Variants in CTNNA1 observed in about 807,000 individuals in gnomAD.
CTNNA1 encodes the protein catenin alpha-1.
A neutral mutation model predicts 98.4 loss-of-function variants in CTNNA1; 37 were observed. That is an observed-to-expected ratio of 0.38 (90% CI 0.29 to 0.49). CTNNA1 has a LOEUF of 0.49. CTNNA1 is among the 20% of genes least tolerant of loss of function. The pLI is 0.95. For synonymous variants in CTNNA1, 404 were observed against 413.2 expected (o/e 0.98, Z 0.27); for missense variants, 761 against 1,147.2 (o/e 0.66, Z 4.86).
At chr5:138,857,113 T>G (rs1763796361) in intron 7 of CTNNA1, among the ~76,000 whole-genome samples, 1 of 152,212 alleles carries the variant, frequency 6.6e-6, no homozygotes, top group South Asian at 2.1e-4. Flanking sequence ...TAAATTTCTT[T>G]CCTTTTTTCT....
chr5:138,917,433 G>T (rs994947936), intron 10 of CTNNA1, among the ~76,000 whole-genome samples: 2 of 152,106 alleles, frequency 1.3e-5, no homozygotes, highest in African/African-American at 4.8e-5. Context: ...TGTATTTTTT[G>T]ATGTGGCTAT....
At chr5:138,884,137 G>A (rs374974612) in intron 7 of CTNNA1, among the ~76,000 whole-genome samples, 1 of 152,190 alleles carries the variant, frequency 6.6e-6, no homozygotes, top group Non-Finnish European at 1.5e-5. Flanking sequence ...CACATGTAAG[G>A]TGTACATTGG....
intron 1 of CTNNA1, among the ~76,000 whole-genome samples, chr5:138,770,262 A>C (rs1354086761): frequency 6.6e-6 from 1 of 152,076 alleles, no homozygotes; most frequent in Non-Finnish European, 1.5e-5. Flanking sequence ...CTTGTTTCAC[A>C]TTCTTTGCTT....
At chr5:138,785,303 C>T (rs1321175290) in intron 3 of CTNNA1, among the ~76,000 whole-genome samples, 28 of 151,818 alleles carry the variant, frequency 1.8e-4, no homozygotes, top group Admixed American at 1.6e-3. Context: ...CCTCGTGATC[C>T]GCCCGCCTCG....
At chr5:138,929,860 T>C (rs1764926267) in intron 14 of CTNNA1, among the ~76,000 whole-genome samples, 1 of 152,196 alleles carries the variant, frequency 6.6e-6, no homozygotes, top group Non-Finnish European at 1.5e-5. Flanking sequence ...GTCTTTGATT[T>C]CACTCCTTGG....
At position 138,880,599 on chromosome 5, in the gene CTNNA1, A is replaced by C. The variant is rs562964835; in HGVS notation, c.1063-5613A>C. 44 of 156,110 alleles carry C rather than the reference A, an allele frequency of 2.8e-4. No individual in the cohort carries two copies. The highest frequency in any genetic ancestry group is 4.4e-4 in the Non-Finnish European group (31 of 70,668). The allele number at this position is 156,110 out of a possible 1,614,324, so 9.7% of individuals were successfully genotyped here. A position where few individuals can be genotyped will look rare whatever the true frequency, so the allele number is the denominator to read the frequency against. On this transcript the variant is annotated intron_variant, in intron 7 of 17. Coordinates refer to ENST00000302763, the MANE Select transcript of CTNNA1 (RefSeq NM_001903.5). Reference sequence around the variant, plus strand: ...TCTTTTATTCTGAAATACATAGCCAAGTTTGGGGTTGTCCTTCCTTTCTCC... The same window carrying C: ...TCTTTTATTCTGAAATACATAGCCACGTTTGGGGTTGTCCTTCCTTTCTCC...
chr5:138,759,875 C>T (rs1752120526), intron 1 of CTNNA1, among the ~76,000 whole-genome samples: 1 of 150,702 alleles, frequency 6.6e-6, no homozygotes, highest in Admixed American at 6.6e-5. Flanking sequence ...CCCAGAATTA[C>T]ATCTGACTAA....
chr5:138,760,717 T>C (rs894783637), intron 1 of CTNNA1, among the ~76,000 whole-genome samples: 3 of 152,200 alleles, frequency 2.0e-5, no homozygotes, highest in Non-Finnish European at 4.4e-5. Context: ...GTATGCTACT[T>C]TTTTATAGCT....
chr5:138,842,554 AT>A (rs1273705240), intron 7 of CTNNA1, among the ~76,000 whole-genome samples: 1 of 152,168 alleles, frequency 6.6e-6, no homozygotes, highest in East Asian at 1.9e-4. Flanking sequence ...GGTTTTTCTT[AT>A]GCCGTTAAAG....
chr5:138,876,760 TGTA>T (rs1358685061), intron 7 of CTNNA1, among the ~76,000 whole-genome samples: 5 of 152,152 alleles, frequency 3.3e-5, no homozygotes, highest in African/African-American at 1.2e-4. Context: ...ATTTTTCTGT[TGTA>T]GTGTTGTGCT....
chr5:138,770,245 C>G (rs1233232426), intron 1 of CTNNA1, among the ~76,000 whole-genome samples: 1 of 152,158 alleles, frequency 6.6e-6, no homozygotes, highest in Non-Finnish European at 1.5e-5. Flanking sequence ...TGCCTCCAGT[C>G]CAGGTGCTTG....
rs1478474654 is a variant in CTNNA1 at position 138,865,473 on chromosome 5, A to C, written c.1063-20739A>C. The stretch of plus-strand genomic sequence containing the variant: ...CTACAGCTGGCTCCATTTTATAAAT[A>C]ATTCACAGGTTTTTTCACTTAAGTG... On this transcript the variant is annotated intron_variant, in intron 7 of 17. Transcript: ENST00000302763. Among the ~76,000 whole-genome samples the C allele has an allele frequency of 2.0e-5, 3 of 152,206 alleles. No individual in the cohort carries two copies. The East Asian group carries it at 5.8e-4, about 29-fold the overall frequency.
chr5:138,858,109 T>A (rs559925344), intron 7 of CTNNA1, among the ~76,000 whole-genome samples: 2 of 143,114 alleles, frequency 1.4e-5, no homozygotes, highest in East Asian at 4.3e-4. Flanking sequence ...ATATGTGTCA[T>A]TAATTAGAGT....
Position 138,783,384 on chromosome 5 carries a change from C to T in CTNNA1, c.301+12C>T. On this transcript the variant is annotated intron_variant, in intron 3 of 17. Coordinates refer to ENST00000302763, the MANE Select transcript of CTNNA1 (RefSeq NM_001903.5). ...TGTTCGAAAACAAGGTAGGTCATTA[C>T]TGCTTTTTAGGTAAAGAGAGGCAGG... 1 of 1,602,850 alleles carries T rather than the reference C, an allele frequency of 6.2e-7. No homozygotes were observed. Among genetic ancestry groups the T allele is most frequent in the Non-Finnish European group, 8.5e-7 (1 of 1,173,304 alleles).
intron 5 of CTNNA1, among the ~76,000 whole-genome samples, chr5:138,823,054 T>C (rs1760194674): frequency 6.6e-6 from 1 of 152,214 alleles, no homozygotes; most frequent in Non-Finnish European, 1.5e-5. Flanking sequence ...TAGGATTTAG[T>C]TAATGACATT....
chr5:138,930,431 A>G, intron 14 of CTNNA1, 42 bp from the exon 15 acceptor site: 3 of 1,491,068 alleles, frequency 2.0e-6, no homozygotes, highest in East Asian at 2.3e-5. Flanking sequence ...TGAGAACTTC[A>G]TATTCTTTTT....
intron 3 of CTNNA1, among the ~76,000 whole-genome samples, chr5:138,795,663 C>A (rs1756883078): frequency 6.6e-6 from 1 of 152,102 alleles, no homozygotes; most frequent in African/African-American, 2.4e-5. Flanking sequence ...GTTTTTTACT[C>A]TGTAAAACAC....
At chr5:138,813,498 A>G (rs1007287928) in intron 5 of CTNNA1, among the ~76,000 whole-genome samples, 28 of 152,230 alleles carry the variant, frequency 1.8e-4, no homozygotes, top group Non-Finnish European at 3.5e-4. Context: ...AACACCCGAC[A>G]AAAGGTCTGA....
At chr5:138,799,864 G>GTA (rs1757375896) in intron 3 of CTNNA1, among the ~76,000 whole-genome samples, 1 of 149,354 alleles carries the variant, frequency 6.7e-6, no homozygotes, top group Non-Finnish European at 1.5e-5. Context: ...GTAGATGTAT[G>GTA]TATGTATGTA....
Sources: gnomAD v4.1 joint callset for allele counts (sites outside exome capture counted in the v4.1 genomes callset) on GRCh38, gnomAD v4.1.1 for gene constraint, MANE v1.5 for transcripts, NCBI Gene and HGNC (gene_info 2026-07-23, HGNC 2026-07-21) for gene names.